The following CLUL1 variants were observed in gnomAD, a reference collection of about 807,000 sequenced individuals.
CLUL1 encodes the protein clusterin like 1.
A neutral mutation model predicts 49.4 loss-of-function variants in CLUL1; 43 were observed. The observed-to-expected ratio is 0.87, with a 90% CI of 0.68 to 1.12. CLUL1 has a LOEUF of 1.12. CLUL1 is among the 50% of genes most tolerant of loss of function. The pLI is 0.00. For missense variants in CLUL1, 486 were observed against 544.4 expected, an observed-to-expected ratio of 0.89 and a Z score of 1.07; for synonymous variants, 192 against 184.9, an observed-to-expected ratio of 1.04 and a Z score of -0.31.
chr18:612,534 G>T (rs980344270), intron 2 of CLUL1, among the ~76,000 whole-genome samples: 1 of 152,094 alleles, frequency 6.6e-6, no homozygotes, highest in Non-Finnish European at 1.5e-5. Context: ...TTGAACACGG[G>T]GCCCGTATTT....
chr18:648,243 AG>A (rs1463287335), intron 9 of CLUL1, among the ~76,000 whole-genome samples: 1 of 152,210 alleles, frequency 6.6e-6, no homozygotes, highest in Non-Finnish European at 1.5e-5. Context: ...TTTCCCATAA[AG>A]TCATCTATCT....
intron 5 of CLUL1, among the ~76,000 whole-genome samples, chr18:626,864 T>TAGAAAGAAAGA (rs2073735753): frequency 3.8e-4 from 27 of 70,900 alleles, no homozygotes; most frequent in African/African-American, 1.3e-3. Flanking sequence ...CCATCTCAAA[T>TAGAAAGAAAGA]AAGAAAGAAA....
intron 6 of CLUL1, among the ~76,000 whole-genome samples, chr18:632,973 A>G (rs1372258354): frequency 6.6e-6 from 1 of 152,122 alleles, no homozygotes; most frequent in African/African-American, 2.4e-5. Context: ...CCTGGACAAC[A>G]TGGCGCAACC....
intron 5 of CLUL1, among the ~76,000 whole-genome samples, chr18:626,630 A>C (rs979362985): frequency 1.3e-5 from 2 of 151,144 alleles, no homozygotes; most frequent in Admixed American, 1.3e-4. Flanking sequence ...AGGCCAAGGC[A>C]TGTGGATTAC....
intron 4 of CLUL1, 79 bp from the exon 5 acceptor site, chr18:624,786 C>T: frequency 2.2e-6 from 3 of 1,390,746 alleles, no homozygotes; most frequent in South Asian, 1.2e-5. Context: ...AGAATGTATA[C>T]ATTTCAAAGG....
chr18:629,641 TC>T (rs1348977424), intron 6 of CLUL1, among the ~76,000 whole-genome samples: 1 of 152,156 alleles, frequency 6.6e-6, no homozygotes, highest in Admixed American at 6.5e-5. Context: ...CTGCGCCACT[TC>T]CATCTCAGTG....
In CLUL1 at chr18:633,446, G is replaced by A. The variant is rs768235135; in HGVS notation, c.994+11G>A. The A allele has an allele frequency of 5.0e-6, 8 of 1,607,830 alleles. No homozygotes were observed. The Admixed American group carries it at 5.1e-5, about 10-fold the overall frequency. The stretch of plus-strand genomic sequence containing the variant: ...CTCACCTATCTGAAGGTAAATAATT[G>A]CTATTTTGTTTTTTATTCTACTTTA... On this transcript the variant is annotated intron_variant, in intron 7 of 9. Coordinates refer to ENST00000692774, the MANE Select transcript of CLUL1 (RefSeq NM_001393344.1).
At position 617,298 on chromosome 18, in the gene CLUL1, A is replaced by G. The variant is rs183182789; in HGVS notation, c.-13-690A>G. Among the ~76,000 whole-genome samples, 3 of 152,232 alleles carry G rather than the reference A, an allele frequency of 2.0e-5. No homozygotes were observed. In the East Asian group the frequency reaches 5.8e-4, roughly 29 times the overall value. ...GGTAAAAACTCACTTGAGAACATAG[A>G]CTTTTGGAGGGAAATGCCAGGTGTG... On this transcript the variant is annotated intron_variant, in intron 2 of 9. Transcript: ENST00000692774.
At position 633,445 on chromosome 18, in the gene CLUL1, T is replaced by G. The variant is rs765744783; in HGVS notation, c.994+10T>G. Reference sequence around the variant, plus strand: ...GCTCACCTATCTGAAGGTAAATAATTGCTATTTTGTTTTTTATTCTACTTT... The same window carrying G: ...GCTCACCTATCTGAAGGTAAATAATGGCTATTTTGTTTTTTATTCTACTTT... On this transcript the variant is annotated intron_variant, in intron 7 of 9. Transcript: ENST00000692774. 7 of 1,608,332 alleles carry G rather than the reference T, an allele frequency of 4.4e-6. No homozygotes were observed. The highest frequency in any genetic ancestry group is 6.0e-6 in the Non-Finnish European group (7 of 1,176,326).
chr18:643,110 A>G (rs2074386383), intron 8 of CLUL1, among the ~76,000 whole-genome samples: 1 of 152,172 alleles, frequency 6.6e-6, no homozygotes, highest in African/African-American at 2.4e-5. Flanking sequence ...AGCTCATTAA[A>G]AAACAAAATT....
intron 8 of CLUL1, among the ~76,000 whole-genome samples, chr18:643,473 A>G (rs2074396868): frequency 6.6e-6 from 1 of 152,246 alleles, no homozygotes; most frequent in Non-Finnish European, 1.5e-5. Context: ...CTTGTATTGA[A>G]GAATAAAACT....
chr18:626,744 C>T (rs1411180504), intron 5 of CLUL1, among the ~76,000 whole-genome samples: 4 of 149,634 alleles, frequency 2.7e-5, no homozygotes, highest in South Asian at 2.1e-4. Flanking sequence ...AACTGTAATC[C>T]CAGCTACTCG....
At chr18:645,805 AAAAAAAT>A (rs1454728294) in intron 9 of CLUL1, among the ~76,000 whole-genome samples, 8 of 51,428 alleles carry the variant, frequency 1.6e-4, no homozygotes, top group African/African-American at 3.8e-4. Flanking sequence ...AAAAAAAAAA[AAAAAAAT>A]ATATATATAT....
chr18:647,245 A>G (rs552603873), intron 9 of CLUL1, among the ~76,000 whole-genome samples: 7 of 152,108 alleles, frequency 4.6e-5, no homozygotes, highest in Non-Finnish European at 1.0e-4. Flanking sequence ...ACGGCAAGAA[A>G]GAGTAGAGCA....
intron 2 of CLUL1, among the ~76,000 whole-genome samples, chr18:612,338 C>T (rs555594043): frequency 1.3e-5 from 2 of 152,324 alleles, no homozygotes; most frequent in South Asian, 4.1e-4. Context: ...TCTCTCACTG[C>T]ACTCTGCCAC....
chr18:601,056 T>A (rs1052510384), intron 1 of CLUL1, among the ~76,000 whole-genome samples: 1 of 152,184 alleles, frequency 6.6e-6, no homozygotes, highest in Non-Finnish European at 1.5e-5. Context: ...GATTACTTCG[T>A]GCCTCAAAAA....
At chr18:605,047 TAAA>T (rs1194967544) in intron 1 of CLUL1, among the ~76,000 whole-genome samples, 1 of 152,200 alleles carries the variant, frequency 6.6e-6, no homozygotes, top group African/African-American at 2.4e-5. Context: ...ACTTTCTGCC[TAAA>T]GCAAGCTGGC....
intron 9 of CLUL1, among the ~76,000 whole-genome samples, chr18:648,860 G>C (rs923626717): frequency 2.6e-5 from 4 of 152,018 alleles, no homozygotes; most frequent in Non-Finnish European, 5.9e-5. Flanking sequence ...TTTTTACCAT[G>C]TTGGCCGGGC....
intron 2 of CLUL1, among the ~76,000 whole-genome samples, chr18:611,106 C>T (rs1023238675): frequency 1.3e-5 from 2 of 152,048 alleles, no homozygotes; most frequent in Admixed American, 1.3e-4. Flanking sequence ...ACTTTCCTTT[C>T]CTACTCCCCT....
Sources: gnomAD v4.1 joint callset for allele counts (sites outside exome capture counted in the v4.1 genomes callset) on GRCh38, gnomAD v4.1.1 for gene constraint, MANE v1.5 for transcripts, NCBI Gene and HGNC (gene_info 2026-07-23, HGNC 2026-07-21) for gene names.